LMBRD2: variants seen among roughly 807,000 people sequenced by gnomAD.
LMBRD2 encodes G protein-coupled receptor-associated protein LMBRD2.
Under a neutral mutation model 94.4 loss-of-function variants are expected in LMBRD2, and 55 were observed. The ratio of observed to expected loss-of-function variants is 0.58; its 90% CI spans 0.47 to 0.73. The LOEUF (loss-of-function observed/expected upper bound fraction) is 0.73. LMBRD2 is among the 30% of genes least tolerant of loss of function. The probability of loss-of-function intolerance (pLI) is 0.00; values close to 1 mark genes in which losing one functional copy is unlikely to be tolerated. For synonymous variants in LMBRD2, 246 were observed against 272.4 expected (o/e 0.90, Z 0.95); for missense variants, 640 against 831.9 (o/e 0.77, Z 2.84).
At chr5:36,112,073 G>A (rs1230034331) in intron 13 of LMBRD2, among the ~76,000 whole-genome samples, 3 of 150,710 alleles carry the variant, frequency 2.0e-5, no homozygotes, top group Admixed American at 2.0e-4. Context: ...AGAGAGAGAC[G>A]AAGGGAAAAC....
intron 15 of LMBRD2, among the ~76,000 whole-genome samples, chr5:36,109,351 T>A (rs1743549676): frequency 6.6e-6 from 1 of 152,094 alleles, no homozygotes. Context: ...TACTCTTTGG[T>A]TCTAGTTCTG....
chr5:36,126,173 A>G (rs958761833), intron 6 of LMBRD2, among the ~76,000 whole-genome samples: 1 of 152,348 alleles, frequency 6.6e-6, no homozygotes. Context: ...GCATCATTAC[A>G]TCTATTTTCC....
chr5:36,139,666 A>T (rs1744356550), intron 4 of LMBRD2, among the ~76,000 whole-genome samples: 1 of 152,178 alleles, frequency 6.6e-6, no homozygotes, highest in African/African-American at 2.4e-5. Flanking sequence ...TACAGATAGG[A>T]GCTATCTACT....
At chr5:36,129,430 C>G (rs1744082088) in intron 6 of LMBRD2, among the ~76,000 whole-genome samples, 1 of 151,468 alleles carries the variant, frequency 6.6e-6, no homozygotes, top group African/African-American at 2.4e-5. Context: ...CAGTGGAAAC[C>G]TTACAGGCCA....
chr5:36,099,978 C>T lies in LMBRD2; in HGVS notation c.*4068G>A, dbSNP rs1285582533. Reference sequence around the variant, plus strand: ...GCCTGCCCTACTGGAGGAAATTGCTCCTAGGGCCTTGTCTCCAGGAGTTGG... The same window carrying T: ...GCCTGCCCTACTGGAGGAAATTGCTTCTAGGGCCTTGTCTCCAGGAGTTGG... On this transcript the variant is annotated 3_prime_UTR_variant, in exon 18 of 18. Transcript: ENST00000296603. 1.3e-5 allele frequency: 2 copies of T among 152,030 alleles called. No homozygotes were observed. The highest frequency in any genetic ancestry group is 6.6e-5 in the Admixed American group (1 of 15,244). The allele number at this position is 152,030 out of a possible 1,614,324, so 9.4% of individuals were successfully genotyped here. A position where few individuals can be genotyped will look rare whatever the true frequency, so the allele number is the denominator to read the frequency against.
chr5:36,110,067 C>T (rs1264956106), intron 14 of LMBRD2, 76 bp from the exon 15 acceptor site: 17 of 1,058,372 alleles, frequency 1.6e-5, no homozygotes, highest in Admixed American at 5.8e-5. Context: ...GTAAAGATAG[C>T]GGGCAATGAC....
Position 36,098,441 on chromosome 5 carries a change from A to AAAC in LMBRD2, c.*5602_*5604dup, listed in dbSNP as rs1207010842. On this transcript the variant is annotated 3_prime_UTR_variant, in exon 18 of 18. Transcript: ENST00000296603. ...AACTAAAGTACACATATTTATTTTAAAACATTTGTCATATTTGCTAATAAA... is the reference window on the plus strand; with the variant it reads ...AACTAAAGTACACATATTTATTTTAAAACAACATTTGTCATATTTGCTAATAAA... The AAAC allele has an allele frequency of 1.3e-5, 2 of 152,070 alleles. No homozygotes were observed. The highest frequency in any genetic ancestry group is 2.4e-5 in the African/African-American group (1 of 41,452). 9.4% of individuals were successfully genotyped at this position (152,070 alleles called of 1,614,324 possible). A position where few individuals can be genotyped will look rare whatever the true frequency, so the allele number is the denominator to read the frequency against.
Position 36,129,043 on chromosome 5 carries a change from T to A in LMBRD2, c.748-4778A>T, listed in dbSNP as rs541113118. On this transcript the variant is annotated intron_variant, in intron 6 of 17. Transcript: ENST00000296603. ...GCTAGAAGACACTTGAAAATTTGGC[T>A]ATTTGAAAATATGGTTAGAGGAGAC... 5.3e-5 allele frequency among the ~76,000 whole-genome samples: 8 copies of A among 152,260 alleles called. No individual in the cohort carries two copies. In the South Asian group the frequency reaches 1.7e-3, roughly 32 times the overall value.
At chr5:36,125,385 A>T (rs141793207) in intron 6 of LMBRD2, among the ~76,000 whole-genome samples, 2,219 of 152,304 alleles carry the variant, frequency 0.015, 28 homozygotes, top group Non-Finnish European at 0.026. Flanking sequence ...TAGCACATAG[A>T]CAAAATTGCG....
In LMBRD2 at chr5:36,151,268, C is replaced by T. The variant is rs1744702307; in HGVS notation, c.-58+288G>A. Reference sequence around the variant, plus strand: ...CACGGGTAAAGCTCGTTGCAAAATACAGTCCTTTCATTTATTCCCATGTTG... The same window carrying T: ...CACGGGTAAAGCTCGTTGCAAAATATAGTCCTTTCATTTATTCCCATGTTG... On this transcript the variant is annotated intron_variant, in intron 1 of 17. Transcript: ENST00000296603. The surrounding 1 kb of genome is among the most constrained non-coding windows in gnomAD (Gnocchi z 4.7). Among the ~76,000 whole-genome samples the T allele has an allele frequency of 6.6e-6, 1 of 152,208 alleles. No homozygotes were observed. Among genetic ancestry groups the T allele is most frequent in the African/African-American group, 2.4e-5 (1 of 41,458 alleles).
chr5:36,137,726 C>T (rs538894302), intron 4 of LMBRD2, among the ~76,000 whole-genome samples: 11 of 152,042 alleles, frequency 7.2e-5, no homozygotes, highest in Admixed American at 2.0e-4. Flanking sequence ...AGGCTTCACA[C>T]GGAGAATGGA....
At chr5:36,114,282 T>C in intron 13 of LMBRD2, 142 bp downstream of exon 13, 1 of 905,596 alleles carries the variant, frequency 1.1e-6, no homozygotes, top group Non-Finnish European at 1.5e-6. Flanking sequence ...ATCACTCAAG[T>C]AGTCCCTTCA....
chr5:36,141,404 AG>A (rs1744406498), intron 3 of LMBRD2, among the ~76,000 whole-genome samples: 2 of 152,326 alleles, frequency 1.3e-5, no homozygotes, highest in Admixed American at 6.5e-5. Context: ...GCAACAAAAT[AG>A]ATTGTTCTGA....
At chr5:36,142,874 G>A (rs973185539) in intron 2 of LMBRD2, 22 of 372,432 alleles carry the variant, frequency 5.9e-5, no homozygotes, top group Middle Eastern at 1.5e-3. Context: ...ACAGGCGTCC[G>A]CCACCACGTC....
chr5:36,117,194 G>A (rs967145839), intron 10 of LMBRD2, among the ~76,000 whole-genome samples: 5 of 152,000 alleles, frequency 3.3e-5, no homozygotes, highest in Non-Finnish European at 5.9e-5. Flanking sequence ...AGCTTTACTG[G>A]CATAAATATA....
intron 7 of LMBRD2, 72 bp from the exon 8 acceptor site, chr5:36,123,033 T>C: frequency 2.2e-6 from 3 of 1,337,044 alleles, no homozygotes; most frequent in Non-Finnish European, 2.9e-6. Context: ...TTATTAAAAA[T>C]CTTTCATTCT....
At chr5:36,124,924 C>CTAAA (rs548731318) in intron 6 of LMBRD2, among the ~76,000 whole-genome samples, 6,346 of 151,340 alleles carry the variant, frequency 0.042, 179 homozygotes, top group African/African-American at 0.077. Context: ...AACCTGGTCT[C>CTAAA]TAAATAAATA....
intron 2 of LMBRD2, 101 bp from the exon 3 acceptor site, chr5:36,142,700 T>C: frequency 1.5e-6 from 1 of 647,768 alleles, no homozygotes; most frequent in Non-Finnish European, 2.7e-6. Context: ...ACTTACCTTC[T>C]TGGCTATGCT....
rs1299574018 is a variant in LMBRD2, at chr5:36,136,385, A to G, written c.671T>C (p.Met224Thr). 2 of 1,614,102 alleles carry G rather than the reference A, an allele frequency of 1.2e-6. No individual in the cohort carries two copies. Among genetic ancestry groups the G allele is most frequent in the African/African-American group, 1.3e-5 (1 of 75,060 alleles). Residue 224 changes from methionine (M) to threonine (T), a missense_variant, in exon 6 of 18, where the codon ATG becomes ACG. By Grantham distance (81) the Met-to-Thr change is moderately conservative. Transcript: ENST00000296603. ...WNGAKRGYLL[M>T]KTYFKAAKLM... ...TTTGGCTGCCTTAAAATACGTTTTC[A>G]TAAGTAGATAACCCCTTTTTGCTCC... is the stretch of plus-strand genomic sequence containing the variant.
Sources: gnomAD v4.1 joint callset for allele counts (sites outside exome capture counted in the v4.1 genomes callset) on GRCh38, gnomAD v4.1.1 for gene constraint, Gnocchi (gnomAD v3.1) non-coding constraint, MANE v1.5 for transcripts, NCBI Gene and HGNC (gene_info 2026-07-23, HGNC 2026-07-21) for gene names.